The following VWA8 variants were observed in gnomAD, a reference collection of about 807,000 sequenced individuals.
VWA8 encodes von Willebrand factor A domain containing 8, also known as von Willebrand factor A domain-containing protein 8.
In VWA8, 221 loss-of-function variants were observed where a neutral mutation model predicts 241.5. The ratio of observed to expected loss-of-function variants is 0.91; its 90% CI spans 0.82 to 1.02. The LOEUF (loss-of-function observed/expected upper bound fraction) is 1.02, where lower values mean the gene tolerates loss of function less well. Ranked by LOEUF, VWA8 falls within the 50% of genes least tolerant of loss-of-function variation. The pLI is 0.00. For missense variants in VWA8, 2,322 were observed against 2,328.7 expected (o/e 1.00, Z 0.06); for synonymous variants, 852 against 827.1 (o/e 1.03, Z -0.52).
intron 37 of VWA8, among the ~76,000 whole-genome samples, chr13:41,645,924 T>C (rs960264875): frequency 1.1e-4 from 16 of 152,096 alleles, no homozygotes; most frequent in Non-Finnish European, 2.9e-5. Flanking sequence ...AGAATGTATA[T>C]GATTTTTCTT....
chr13:41,807,287 T>G (rs116317991), intron 17 of VWA8, among the ~76,000 whole-genome samples: 1 of 152,114 alleles, frequency 6.6e-6, no homozygotes, highest in Non-Finnish European at 1.5e-5. Context: ...CCAATCCTAC[T>G]GAAACCATTC....
chr13:41,724,461 G>A (rs1005032241), intron 24 of VWA8, among the ~76,000 whole-genome samples: 5 of 152,166 alleles, frequency 3.3e-5, no homozygotes, highest in African/African-American at 1.2e-4. Context: ...ACAGGAGAGG[G>A]AGGGCAGAAC....
intron 29 of VWA8, among the ~76,000 whole-genome samples, chr13:41,696,883 AGT>A (rs1214396216): frequency 2.0e-5 from 3 of 152,188 alleles, no homozygotes; most frequent in Non-Finnish European, 4.4e-5. Flanking sequence ...CCCAAGGCTT[AGT>A]GTTTGAACTT....
intron 3 of VWA8, among the ~76,000 whole-genome samples, chr13:41,908,932 A>AT (rs1213872194): frequency 6.6e-5 from 10 of 152,154 alleles, no homozygotes; most frequent in African/African-American, 9.6e-5. Flanking sequence ...ATACAAGGGG[A>AT]TTTTTTCTCC....
chr13:41,672,452 T>C (rs374712814), intron 36 of VWA8, among the ~76,000 whole-genome samples: 15 of 152,284 alleles, frequency 9.9e-5, no homozygotes, highest in African/African-American at 3.1e-4. Flanking sequence ...GCAAAATGCA[T>C]CTGATATTTT....
intron 2 of VWA8, among the ~76,000 whole-genome samples, chr13:41,930,307 T>G (rs1877045513): frequency 6.6e-6 from 1 of 152,168 alleles, no homozygotes; most frequent in East Asian, 1.9e-4. Flanking sequence ...TGGAAAACAA[T>G]GTGGCCATTT....
chr13:41,957,134 A>AT (rs1257664475), intron 1 of VWA8, among the ~76,000 whole-genome samples: 2 of 152,034 alleles, frequency 1.3e-5, no homozygotes, highest in Non-Finnish European at 2.9e-5. Context: ...TCCGACCCAA[A>AT]TCTTGTCTTG....
chr13:41,638,339 C>CT (rs572759860), intron 37 of VWA8, among the ~76,000 whole-genome samples: 7 of 152,194 alleles, frequency 4.6e-5, no homozygotes, highest in Non-Finnish European at 8.8e-5. Flanking sequence ...CCTACCATAT[C>CT]TATGACTGTT....
intron 4 of VWA8, among the ~76,000 whole-genome samples, chr13:41,893,626 C>T (rs1430505541): frequency 1.3e-5 from 2 of 152,104 alleles, no homozygotes; most frequent in African/African-American, 4.8e-5. Context: ...TGGCTCATGC[C>T]TATAATCTCA....
intron 12 of VWA8, among the ~76,000 whole-genome samples, chr13:41,845,754 C>T (rs1260445492): frequency 6.6e-6 from 1 of 152,178 alleles, no homozygotes. Flanking sequence ...CTCATGTTCT[C>T]ACCCACTCAA....
chr13:41,698,505 T>C (rs2045229094), intron 29 of VWA8, among the ~76,000 whole-genome samples: 1 of 152,160 alleles, frequency 6.6e-6, no homozygotes, highest in Non-Finnish European at 1.5e-5. Flanking sequence ...AAATGACGGA[T>C]AGAACTTGAG....
At chr13:41,721,703 G>T in intron 24 of VWA8, 128 bp from the exon 25 acceptor site, 2 of 936,506 alleles carry the variant, frequency 2.1e-6, no homozygotes, top group Non-Finnish European at 3.1e-6. Context: ...TCCAACAATA[G>T]GATGGTACAG....
At chr13:41,635,138 A>G (rs1422439527) in intron 37 of VWA8, among the ~76,000 whole-genome samples, 2 of 152,196 alleles carry the variant, frequency 1.3e-5, no homozygotes, top group Non-Finnish European at 2.9e-5. Flanking sequence ...TAGTTATTAT[A>G]ATGTGAAATC....
intron 37 of VWA8, among the ~76,000 whole-genome samples, chr13:41,660,961 G>A (rs1227949292): frequency 3.3e-5 from 5 of 151,964 alleles, no homozygotes; most frequent in African/African-American, 4.8e-5. Flanking sequence ...TGCATCCCGG[G>A]TTCAAGCGAT....
At chr13:41,695,735 G>T (rs908508837) in intron 29 of VWA8, among the ~76,000 whole-genome samples, 2 of 152,078 alleles carry the variant, frequency 1.3e-5, no homozygotes, top group Non-Finnish European at 2.9e-5. Context: ...TGGCCAAAGG[G>T]GTAAGTAAGG....
chr13:41,673,972 AAAAAAGATGT>A (rs1321604678), intron 36 of VWA8, among the ~76,000 whole-genome samples: 3 of 152,230 alleles, frequency 2.0e-5, no homozygotes, highest in African/African-American at 7.2e-5. Context: ...TAGATATGTT[AAAAAAGATGT>A]TATTTGCTTT....
At position 41,947,950 on chromosome 13, in the gene VWA8, AAAACAAAACAAAAC is replaced by A. The variant is rs1243275463; in HGVS notation, c.241+1972_241+1985del. Among the ~76,000 whole-genome samples, 36 of 148,628 alleles carry A rather than the reference AAAACAAAACAAAAC, an allele frequency of 2.4e-4. 1 individual carries two copies. The highest frequency in any genetic ancestry group is 8.6e-4 in the African/African-American group (35 of 40,542). ...CTGTCTCAAAAAAAAAAAAAAAAAAAAAACAAAACAAAACATTTTGGTAATTCCTTGAAATGTTA... is the reference window on the plus strand; with the variant it reads ...CTGTCTCAAAAAAAAAAAAAAAAAAAATTTTGGTAATTCCTTGAAATGTTA... On this transcript the variant is annotated intron_variant, in intron 2 of 44. Transcript: ENST00000379310.
intron 37 of VWA8, among the ~76,000 whole-genome samples, chr13:41,662,795 AT>A: frequency 6.6e-6 from 1 of 152,218 alleles, no homozygotes; most frequent in Non-Finnish European, 1.5e-5. Context: ...GAGCATGGTC[AT>A]TGCCTTATTC....
intron 12 of VWA8, among the ~76,000 whole-genome samples, chr13:41,855,453 A>G (rs1014796782): frequency 6.7e-6 from 1 of 149,682 alleles, no homozygotes; most frequent in African/African-American, 2.4e-5. Flanking sequence ...AAAGAGAAAT[A>G]CTGATATAAA....
Sources: gnomAD v4.1 joint callset for allele counts (sites outside exome capture counted in the v4.1 genomes callset) on GRCh38, gnomAD v4.1.1 for gene constraint, MANE v1.5 for transcripts, NCBI Gene and HGNC (gene_info 2026-07-23, HGNC 2026-07-21) for gene names.